CATSPERE: variants seen among roughly 807,000 people sequenced by gnomAD.
CATSPERE encodes cation channel sperm-associated auxiliary subunit epsilon.
CATSPERE carries 93 observed loss-of-function variants against 114.1 expected under a neutral mutation model. The ratio of observed to expected loss-of-function variants is 0.81; its 90% CI spans 0.69 to 0.97. CATSPERE has a LOEUF of 0.97. Among genes scored for constraint, CATSPERE ranks in the 50% least tolerant of loss-of-function variants. The pLI, the probability that CATSPERE is intolerant of heterozygous loss-of-function variation, is 0.00. For missense variants in CATSPERE, 1,058 were observed against 1,131.6 expected (o/e 0.93, Z 0.93); for synonymous variants, 341 against 384.1 (o/e 0.89, Z 1.31).
At chr1:244,509,795 A>G (rs1675404260) in intron 7 of CATSPERE, among the ~76,000 whole-genome samples, 1 of 152,186 alleles carries the variant, frequency 6.6e-6, no homozygotes, top group Admixed American at 6.5e-5. Context: ...TCTTCCTGGT[A>G]TAATCATGGT....
chr1:244,606,756 T>C (rs1211180847), intron 18 of CATSPERE, among the ~76,000 whole-genome samples: 3 of 151,936 alleles, frequency 2.0e-5, no homozygotes, highest in Non-Finnish European at 4.4e-5. Context: ...CACATGCCAC[T>C]ACACCTGGCT....
At chr1:244,545,122 A>G (rs779120224) in intron 8 of CATSPERE, among the ~76,000 whole-genome samples, 1 of 152,196 alleles carries the variant, frequency 6.6e-6, no homozygotes, top group Non-Finnish European at 1.5e-5. Context: ...CCCTAGATAT[A>G]TCGGTAGGAC....
chr1:244,560,694 A>C lies in CATSPERE; in HGVS notation c.1056A>C (p.Ala352=). Residue 352 remains alanine, a synonymous_variant, in exon 10 of 22, where the codon GCA becomes GCC. Coordinates refer to ENST00000366534, the MANE Select transcript of CATSPERE (RefSeq NM_001130957.2). ...CTAAAGGAAGAAGAAGCACCTTTGCAGTCTGGACAGAAAATGAAATTTACC... is the reference window on the plus strand; with the variant it reads ...CTAAAGGAAGAAGAAGCACCTTTGCCGTCTGGACAGAAAATGAAATTTACC... ...LKAKGRRSTF[A]VWTENEIYLG... The C allele has an allele frequency of 2.5e-6, 4 of 1,611,436 alleles. No individual in the cohort carries two copies. The highest frequency in any genetic ancestry group is 3.4e-6 in the Non-Finnish European group (4 of 1,178,946).
rs761846594 is a variant in CATSPERE at position 244,572,768 on chromosome 1, C to A, written c.1946C>A (p.Thr649Asn). The change falls in exon 11 of 22, where the codon ACT (threonine) becomes AAT (asparagine). Residue 649 changes from threonine to asparagine, a missense_variant. Around this residue, in one of 2 missense-constraint regions of CATSPERE, gnomAD observed 787 missense variants for 905.6 expected, o/e 0.87. Transcript: ENST00000366534. ...GCTGCCTTTGGATACTGCACCAAAA[C>A]TCTGGTAAGCTAATATTTTAAATTT... Reference protein sequence around the residue: ...FEAAFGYCTKTLTLTFYQNVD... With the variant: ...FEAAFGYCTKNLTLTFYQNVD... 2.6e-5 allele frequency: 41 copies of A among 1,549,286 alleles called. No individual in the cohort carries two copies. Among genetic ancestry groups the A allele is most frequent in the Non-Finnish European group, 3.5e-5 (40 of 1,148,296 alleles).
chr1:244,640,193 T>TAGC lies in CATSPERE; in HGVS notation c.*114_*115insCAG. ...AGAAATACTAAATATAAGCTCGTAGTAGGCATCACCAAATTCAAGATCTGA... is the reference window on the plus strand; with the variant it reads ...AGAAATACTAAATATAAGCTCGTAGTAGCAGGCATCACCAAATTCAAGATCTGA... On this transcript the variant is annotated 3_prime_UTR_variant, in exon 22 of 22. Coordinates refer to ENST00000366534, the MANE Select transcript of CATSPERE (RefSeq NM_001130957.2). 8 of 780,034 alleles carry TAGC rather than the reference T, an allele frequency of 1.0e-5. No individual in the cohort carries two copies. The highest frequency in any genetic ancestry group is 1.6e-5 in the Non-Finnish European group (8 of 507,996). The allele number at this position is 780,034 out of a possible 1,614,324, so 48.3% of individuals were successfully genotyped here.
At chr1:244,623,702 A>C (rs1027707088) in intron 20 of CATSPERE, among the ~76,000 whole-genome samples, 3 of 152,148 alleles carry the variant, frequency 2.0e-5, no homozygotes, top group Admixed American at 2.0e-4. Context: ...AAAGCGAGTC[A>C]TGTGAATTTT....
In CATSPERE at chr1:244,568,324, G is replaced by A. The variant is rs1414717522; in HGVS notation, c.1508-4006G>A. Among the ~76,000 whole-genome samples the A allele has an allele frequency of 6.6e-6, 1 of 152,188 alleles. No individual in the cohort carries two copies. The highest frequency in any genetic ancestry group is 1.5e-5 in the Non-Finnish European group (1 of 68,024). On this transcript the variant is annotated intron_variant, in intron 10 of 21. Coordinates refer to ENST00000366534, the MANE Select transcript of CATSPERE (RefSeq NM_001130957.2). This position sits in a 1 kb window ranked among gnomAD's most constrained non-coding sequence, Gnocchi z 4.4. ...TCCAGTCAGGAGACACAGGGGTCAG[G>A]GACCCACTTGAGGAAGCCGTCTGTC... is the stretch of plus-strand genomic sequence containing the variant.
At chr1:244,562,288 A>G (rs1662692926) in intron 10 of CATSPERE, among the ~76,000 whole-genome samples, 1 of 152,018 alleles carries the variant, frequency 6.6e-6, no homozygotes, top group South Asian at 2.1e-4. Flanking sequence ...ACTGCTGTGT[A>G]TTGTTCCACT....
chr1:244,524,559 A>T (rs1678189788), intron 8 of CATSPERE, among the ~76,000 whole-genome samples: 1 of 152,046 alleles, frequency 6.6e-6, no homozygotes, highest in Non-Finnish European at 1.5e-5. Flanking sequence ...GCCACCTACA[A>T]AATGTGAGAA....
intron 2 of CATSPERE, among the ~76,000 whole-genome samples, chr1:244,466,775 C>T (rs1284138242): frequency 1.3e-5 from 2 of 152,178 alleles, no homozygotes; most frequent in East Asian, 3.8e-4. Context: ...AGATCAGGAC[C>T]TGGAGGAAAT....
At chr1:244,462,268 C>T (rs1312014412) in intron 1 of CATSPERE, among the ~76,000 whole-genome samples, 1 of 152,198 alleles carries the variant, frequency 6.6e-6, no homozygotes, top group Admixed American at 6.5e-5. Context: ...ACACCCCACA[C>T]ACCTATGGGC....
At chr1:244,588,659 T>G (rs770591933) in intron 14 of CATSPERE, 125 bp downstream of exon 14, 1 of 736,180 alleles carries the variant, frequency 1.4e-6, no homozygotes, top group Non-Finnish European at 2.4e-6. Context: ...CAAAACTGAA[T>G]TGACGTTCAT....
At chr1:244,558,277 G>A (rs904128201) in intron 9 of CATSPERE, among the ~76,000 whole-genome samples, 8 of 151,428 alleles carry the variant, frequency 5.3e-5, no homozygotes, top group African/African-American at 1.7e-4. Context: ...CGTGTAGCTG[G>A]GACTACAGGC....
chr1:244,573,447 A>AAAACAAAAC lies in CATSPERE; in HGVS notation c.1950+677_1950+678insACAAAACAA, dbSNP rs1558522115. Among the ~76,000 whole-genome samples, 76 of 125,830 alleles carry AAAACAAAAC rather than the reference A, an allele frequency of 6.0e-4. No homozygotes were observed. Among genetic ancestry groups the AAAACAAAAC allele is most frequent in the African/African-American group, 2.1e-3 (66 of 30,980 alleles). The allele number at this position is 125,830 out of a possible 152,430, so 82.5% of individuals were successfully genotyped here. A position where few individuals can be genotyped will look rare whatever the true frequency, so the allele number is the denominator to read the frequency against. Reference sequence around the variant, plus strand: ...CAAAACAAAACAAAACAAAACAAAAAAACCAATTCTATCCGTCAATAGTTT... The same window carrying AAAACAAAAC: ...CAAAACAAAACAAAACAAAACAAAAAAAACAAAACAACCAATTCTATCCGTCAATAGTTT... On this transcript the variant is annotated intron_variant, in intron 11 of 21. Coordinates refer to ENST00000366534, the MANE Select transcript of CATSPERE (RefSeq NM_001130957.2). This position sits in a 1 kb window ranked among gnomAD's most constrained non-coding sequence, Gnocchi z 4.0.
chr1:244,463,458 T>C (rs946152252), intron 1 of CATSPERE, among the ~76,000 whole-genome samples: 1 of 152,038 alleles, frequency 6.6e-6, no homozygotes, highest in Non-Finnish European at 1.5e-5. Context: ...GAGGATCACT[T>C]GAGCCTGGGA....
chr1:244,535,916 A>G lies in CATSPERE; in HGVS notation c.537-16406A>G, dbSNP rs563643400. On this transcript the variant is annotated intron_variant, in intron 8 of 21. Coordinates refer to ENST00000366534, the MANE Select transcript of CATSPERE (RefSeq NM_001130957.2). ...CTGGCACATCTCAGAGTCTCATCCA[A>G]TGCCATGGTGTGTACTGCTTAGCTA... Among the ~76,000 whole-genome samples, 10 of 151,766 alleles carry G rather than the reference A, an allele frequency of 6.6e-5. No homozygotes were observed. In the South Asian group the frequency reaches 1.0e-3, roughly 16 times the overall value.
intron 6 of CATSPERE, among the ~76,000 whole-genome samples, chr1:244,498,413 G>A (rs962568133): frequency 6.6e-6 from 1 of 152,196 alleles, no homozygotes; most frequent in Non-Finnish European, 1.5e-5. Context: ...TACAGGGTGG[G>A]AGAGACAGCT....
At chr1:244,473,486 G>C (rs967773410) in intron 2 of CATSPERE, among the ~76,000 whole-genome samples, 1 of 151,982 alleles carries the variant, frequency 6.6e-6, no homozygotes, top group Non-Finnish European at 1.5e-5. Context: ...GAGTTTTTTT[G>C]TGTATTCTGG....
chr1:244,528,403 A>G (rs1679010351), intron 8 of CATSPERE, among the ~76,000 whole-genome samples: 1 of 152,224 alleles, frequency 6.6e-6, no homozygotes. Flanking sequence ...TCATAGAGGA[A>G]AGGTAAAGTG....
Sources: gnomAD v4.1 joint callset for allele counts (sites outside exome capture counted in the v4.1 genomes callset) on GRCh38, gnomAD v4.1.1 for gene constraint, gnomAD v4.1.1 regional missense constraint, Gnocchi (gnomAD v3.1) non-coding constraint, MANE v1.5 for transcripts, NCBI Gene and HGNC (gene_info 2026-07-23, HGNC 2026-07-21) for gene names.